UNC5C: variants seen among roughly 807,000 people sequenced by gnomAD.
The protein encoded by UNC5C is unc-5 netrin receptor C.
In UNC5C, 47 loss-of-function variants were observed where a neutral mutation model predicts 99.8. That is an observed-to-expected ratio of 0.47 (90% CI 0.37 to 0.60). The LOEUF is 0.60. UNC5C is among the 20% of genes least tolerant of loss of function. The pLI is 0.00. For synonymous variants in UNC5C, 487 were observed against 452.2 expected, an observed-to-expected ratio of 1.08 and a Z score of -0.98; for missense variants, 1,062 against 1,165.9, an observed-to-expected ratio of 0.91 and a Z score of 1.30.
At chr4:95,473,347 T>C (rs1277456237) in intron 1 of UNC5C, among the ~76,000 whole-genome samples, 1 of 152,150 alleles carries the variant, frequency 6.6e-6, no homozygotes, top group East Asian at 1.9e-4. Flanking sequence ...GTTTTATTTT[T>C]ACATCTGTGA....
rs138397806 is a variant in UNC5C at position 95,254,921 on chromosome 4, G to T, written c.595-4254C>A. On this transcript the variant is annotated intron_variant, in intron 4 of 15. Transcript: ENST00000453304. ...ATGATTCTTGCATTATACTGTCAAT[G>T]CTCTCATCCCTTTGTCACTTCAAGA... Among the ~76,000 whole-genome samples, 3 of 151,852 alleles carry T rather than the reference G, an allele frequency of 2.0e-5. No homozygotes were observed. The East Asian group carries it at 5.8e-4, about 29-fold the overall frequency.
chr4:95,296,480 T>G (rs987718312), intron 3 of UNC5C, among the ~76,000 whole-genome samples: 2 of 152,170 alleles, frequency 1.3e-5, no homozygotes, highest in Admixed American at 1.3e-4. Flanking sequence ...GTACTTAATG[T>G]TTGTGTGCTG....
chr4:95,468,152 T>C lies in UNC5C; in HGVS notation c.124+80582A>G, dbSNP rs1256618820. On this transcript the variant is annotated intron_variant, in intron 1 of 15. Transcript: ENST00000453304. The stretch of plus-strand genomic sequence containing the variant: ...GGTTTTTTTTTTTTTTGTTTTTTCA[T>C]TTCTTTAAAACTTTTGTATAAAGTA... Among the ~76,000 whole-genome samples, 3 of 151,460 alleles carry C rather than the reference T, an allele frequency of 2.0e-5. No individual in the cohort carries two copies. The East Asian group carries it at 5.8e-4, about 29-fold the overall frequency.
intron 1 of UNC5C, among the ~76,000 whole-genome samples, chr4:95,415,148 C>T (rs1049102516): frequency 6.6e-6 from 1 of 152,120 alleles, no homozygotes; most frequent in African/African-American, 2.4e-5. Flanking sequence ...CAGAAGCATG[C>T]ATGTAAAAGA....
intron 1 of UNC5C, among the ~76,000 whole-genome samples, chr4:95,486,483 T>C (rs188593392): frequency 2.6e-5 from 4 of 151,802 alleles, no homozygotes; most frequent in East Asian, 3.9e-4. Flanking sequence ...TATCCTACAC[T>C]TGACACACTG....
intron 7 of UNC5C, among the ~76,000 whole-genome samples, chr4:95,233,547 G>A (rs1738990740): frequency 6.6e-6 from 1 of 151,828 alleles, no homozygotes; most frequent in Non-Finnish European, 1.5e-5. Flanking sequence ...GTATTGAATT[G>A]CTATTTTCAA....
chr4:95,521,898 G>T (rs1489278657), intron 1 of UNC5C, among the ~76,000 whole-genome samples: 2 of 151,978 alleles, frequency 1.3e-5, no homozygotes, highest in Non-Finnish European at 2.9e-5. Context: ...CATTCAATTT[G>T]GTCTTGGCTT....
At chr4:95,267,620 G>A (rs989689552) in intron 4 of UNC5C, among the ~76,000 whole-genome samples, 5 of 152,056 alleles carry the variant, frequency 3.3e-5, no homozygotes, top group African/African-American at 1.2e-4. Flanking sequence ...TTTATCTTCT[G>A]ATACACTTTG....
In UNC5C at chr4:95,163,273, C is replaced by T. The variant is rs76651865; in HGVS notation, c.*5961G>A. The T allele has an allele frequency of 0.046, 7,014 of 152,188 alleles. 283 individuals carry two copies. The highest frequency in any genetic ancestry group is 0.1 in the African/African-American group (4,273 of 41,508). The allele number at this position is 152,188 out of a possible 1,614,324, so 9.4% of individuals were successfully genotyped here. A position where few individuals can be genotyped will look rare whatever the true frequency, so the allele number is the denominator to read the frequency against. Reference sequence around the variant, plus strand: ...ATGTACAGATGCCATTTGTTACTTTCGGGATAGAAAAGGCAAAGGTATTTT... The same window carrying T: ...ATGTACAGATGCCATTTGTTACTTTTGGGATAGAAAAGGCAAAGGTATTTT... On this transcript the variant is annotated 3_prime_UTR_variant, in exon 16 of 16. Transcript: ENST00000453304.
At chr4:95,502,845 T>C (rs1721811219) in intron 1 of UNC5C, among the ~76,000 whole-genome samples, 1 of 152,176 alleles carries the variant, frequency 6.6e-6, no homozygotes, top group Admixed American at 6.6e-5. Flanking sequence ...ACTATTACCA[T>C]AATCTTTAAA....
At chr4:95,373,202 G>C (rs1744797496) in intron 1 of UNC5C, among the ~76,000 whole-genome samples, 1 of 152,094 alleles carries the variant, frequency 6.6e-6, no homozygotes, top group South Asian at 2.1e-4. Context: ...AAAAACATAA[G>C]TAAACACATG....
intron 2 of UNC5C, among the ~76,000 whole-genome samples, chr4:95,312,127 G>A (rs1369995474): frequency 6.6e-6 from 1 of 152,082 alleles, no homozygotes. Context: ...CACGTAAGGA[G>A]ATAAGGTCTC....
chr4:95,340,890 G>A (rs567508386), intron 1 of UNC5C, among the ~76,000 whole-genome samples: 2 of 151,986 alleles, frequency 1.3e-5, no homozygotes, highest in Middle Eastern at 3.2e-3. Context: ...ATTCTTAGAA[G>A]ACATTTTCAC....
intron 1 of UNC5C, among the ~76,000 whole-genome samples, chr4:95,537,129 T>A (rs556971140): frequency 3.9e-4 from 59 of 152,254 alleles, no homozygotes; most frequent in East Asian, 3.9e-3. Context: ...AGTTTTTTTT[T>A]AAAACCCATA....
In UNC5C at chr4:95,210,860, A is replaced by G. The variant is rs116382609; in HGVS notation, c.1734-4064T>C. On this transcript the variant is annotated intron_variant, in intron 10 of 15. Coordinates refer to ENST00000453304, the MANE Select transcript of UNC5C (RefSeq NM_003728.4). ...ACTTCTAATCAAGAGTGCATAATTT[A>G]CAAAACTTTCACATAAGCCATTGCA... 6.4e-3 allele frequency among the ~76,000 whole-genome samples: 976 copies of G among 152,326 alleles called. 8 individuals are homozygous for G. Among genetic ancestry groups the G allele is most frequent in the African/African-American group, 0.022 (935 of 41,574 alleles).
rs911224421 is a variant in UNC5C, at chr4:95,516,142, T to C, written c.124+32592A>G. On this transcript the variant is annotated intron_variant, in intron 1 of 15. Transcript: ENST00000453304. Reference sequence around the variant, plus strand: ...CAGTAATATGGTAGTAATGTTTACCTATGTTTTCAGATTGAATCCTTAAAA... The same window carrying C: ...CAGTAATATGGTAGTAATGTTTACCCATGTTTTCAGATTGAATCCTTAAAA... 5.3e-5 allele frequency among the ~76,000 whole-genome samples: 8 copies of C among 152,312 alleles called. No homozygotes were observed. In the South Asian group the frequency reaches 1.7e-3, roughly 32 times the overall value.
At chr4:95,236,635 A>G (rs2149375837) in intron 7 of UNC5C, among the ~76,000 whole-genome samples, 1 of 152,088 alleles carries the variant, frequency 6.6e-6, no homozygotes, top group Non-Finnish European at 1.5e-5. Flanking sequence ...ATATAGAAAA[A>G]GAAAAAAAAT....
chr4:95,363,934 C>T (rs1744474121), intron 1 of UNC5C, among the ~76,000 whole-genome samples: 2 of 152,126 alleles, frequency 1.3e-5, no homozygotes, highest in Admixed American at 1.3e-4. Flanking sequence ...AATTGAAAAC[C>T]TCATTTGAAC....
rs1032528419 is a variant in UNC5C at position 95,491,474 on chromosome 4, T to C, written c.124+57260A>G. On this transcript the variant is annotated intron_variant, in intron 1 of 15. Coordinates refer to ENST00000453304, the MANE Select transcript of UNC5C (RefSeq NM_003728.4). ...TCTATATATAGACAAGTCAGTAAAATAGCCATTCAGTTTTCTTGGATAATT... is the reference window on the plus strand; with the variant it reads ...TCTATATATAGACAAGTCAGTAAAACAGCCATTCAGTTTTCTTGGATAATT... Among the ~76,000 whole-genome samples the C allele has an allele frequency of 4.6e-5, 7 of 151,544 alleles. No individual in the cohort carries two copies. The South Asian group carries it at 1.2e-3, about 27-fold the overall frequency.
Sources: gnomAD v4.1 joint callset for allele counts (sites outside exome capture counted in the v4.1 genomes callset) on GRCh38, gnomAD v4.1.1 for gene constraint, MANE v1.5 for transcripts, NCBI Gene and HGNC (gene_info 2026-07-23, HGNC 2026-07-21) for gene names.